LSM4: variants seen among roughly 807,000 people sequenced by gnomAD.
LSM4 encodes U6 snRNA-associated Sm-like protein LSm4.
Under a neutral mutation model 22.3 loss-of-function variants are expected in LSM4, and 15 were observed. That is an observed-to-expected ratio of 0.67 (90% CI 0.45 to 1.03). The LOEUF is 1.03. Ranked by LOEUF, LSM4 falls within the 50% of genes least tolerant of loss-of-function variation. The pLI, the probability that LSM4 is intolerant of heterozygous loss-of-function variation, is 0.00. For synonymous variants in LSM4, 90 were observed against 79.8 expected, an observed-to-expected ratio of 1.13 and a Z score of -0.68; for missense variants, 127 against 198.0, an observed-to-expected ratio of 0.64 and a Z score of 2.15.
chr19:18,317,560 G>T (rs761266093), intron 1 of LSM4, among the ~76,000 whole-genome samples: 1 of 151,908 alleles, frequency 6.6e-6, no homozygotes, highest in African/African-American at 2.4e-5. Context: ...TGTTAGCCAG[G>T]ATGGTCTCGA....
intron 2 of LSM4, among the ~76,000 whole-genome samples, chr19:18,315,220 C>A (rs1032783135): frequency 6.6e-6 from 1 of 152,020 alleles, no homozygotes; most frequent in African/African-American, 2.4e-5. Flanking sequence ...TGTCACCCAG[C>A]GACCTGCAAC....
chr19:18,320,405 G>A (rs1970413070), intron 1 of LSM4, among the ~76,000 whole-genome samples: 1 of 152,208 alleles, frequency 6.6e-6, no homozygotes, highest in Admixed American at 6.5e-5. Flanking sequence ...TACTTGGGAG[G>A]CTGAGGTCAG....
chr19:18,307,445 A>G lies in LSM4; in HGVS notation c.*19T>C, dbSNP rs772716971. 1 of 1,502,064 alleles carries G rather than the reference A, an allele frequency of 6.7e-7. No homozygotes were observed. Among genetic ancestry groups the G allele is most frequent in the South Asian group, 1.3e-5 (1 of 79,174 alleles). The allele number at this position is 1,502,064 out of a possible 1,614,324, so 93.0% of individuals were successfully genotyped here. A position where few individuals can be genotyped will look rare whatever the true frequency, so the allele number is the denominator to read the frequency against. ...CCACCCTGGCAGGAGGGGGCGCAGC[A>G]GCCGGTCTGGGTGGGCGCTCACTGT... On this transcript the variant is annotated 3_prime_UTR_variant, in exon 5 of 5. Coordinates refer to ENST00000593829, the MANE Select transcript of LSM4 (RefSeq NM_012321.5).
rs1374358974 is a variant in LSM4, at chr19:18,309,780, T to C, written c.226A>G (p.Ile76Val). 6.2e-7 allele frequency: 1 copy of C among 1,613,774 alleles called. No homozygotes were observed. The highest frequency in any genetic ancestry group is 2.2e-5 in the East Asian group (1 of 44,874). ...ACCACCTCCTCCTTGACCATGTCGA[T>C]GATCTCGTCGGGGATGCGCAGGTAC... ...IKYLRIPDEI[I>V]DMVKEEVVAK... is the part of the protein sequence containing the mutation. Residue 76 changes from isoleucine to valine, a missense_variant, in exon 4 of 5, where the codon ATC becomes GTC. Coordinates refer to ENST00000593829, the MANE Select transcript of LSM4 (RefSeq NM_012321.5).
chr19:18,317,637 G>A (rs1425761399), intron 1 of LSM4, among the ~76,000 whole-genome samples: 3 of 151,902 alleles, frequency 2.0e-5, no homozygotes, highest in Non-Finnish European at 4.4e-5. Context: ...GTGAGCCACC[G>A]CACCCGGCCC....
intron 4 of LSM4, among the ~76,000 whole-genome samples, chr19:18,308,450 G>A (rs1311581033): frequency 6.6e-6 from 1 of 152,254 alleles, no homozygotes; most frequent in Non-Finnish European, 1.5e-5. Context: ...AACGCTTGAG[G>A]AAATCAAAGC....
chr19:18,321,582 C>A (rs1970424727), intron 1 of LSM4, among the ~76,000 whole-genome samples: 2 of 152,194 alleles, frequency 1.3e-5, no homozygotes, highest in Non-Finnish European at 2.9e-5. Flanking sequence ...ACCAGTCTGC[C>A]TTTGTAGGAC....
At chr19:18,322,621 A>G (rs543477914) in intron 1 of LSM4, among the ~76,000 whole-genome samples, 1 of 151,970 alleles carries the variant, frequency 6.6e-6, no homozygotes, top group East Asian at 1.9e-4. Context: ...CTGGCCCCCT[A>G]CTTCCCAGCA....
chr19:18,308,304 C>T (rs1344523964), intron 4 of LSM4, among the ~76,000 whole-genome samples: 1 of 152,208 alleles, frequency 6.6e-6, no homozygotes, highest in Non-Finnish European at 1.5e-5. Flanking sequence ...CCACCCTCAC[C>T]ACAGGCCAGG....
Position 18,307,177 on chromosome 19 carries a change from C to T in LSM4, c.*287G>A, listed in dbSNP as rs962211370. The T allele has an allele frequency of 5.8e-6, 2 of 346,560 alleles. No homozygotes were observed. The highest frequency in any genetic ancestry group is 1.0e-5 in the Non-Finnish European group (2 of 192,850). 21.5% of individuals were successfully genotyped at this position (346,560 alleles called of 1,614,324 possible). A position where few individuals can be genotyped will look rare whatever the true frequency, so the allele number is the denominator to read the frequency against. On this transcript the variant is annotated 3_prime_UTR_variant, in exon 5 of 5. Transcript: ENST00000593829. ...CGCCTGGAAAATGCTGCCCTGAGAA[C>T]CAGAGCGAGGGCTTGAAAGATGCCT...
At position 18,306,625 on chromosome 19, in the gene LSM4, C is replaced by T. The variant is rs375118778; in HGVS notation, c.*839G>A. On this transcript the variant is annotated 3_prime_UTR_variant, in exon 5 of 5. Transcript: ENST00000593829. Reference sequence around the variant, plus strand: ...ATGCGTGGCCCCTGCCTGGGACTTCCCTCCCCACACACCCCTTGGCATTAA... The same window carrying T: ...ATGCGTGGCCCCTGCCTGGGACTTCTCTCCCCACACACCCCTTGGCATTAA... 10 of 152,422 alleles carry T rather than the reference C, an allele frequency of 6.6e-5. No individual in the cohort carries two copies. The highest frequency in any genetic ancestry group is 2.4e-4 in the African/African-American group (10 of 41,472). 9.4% of individuals were successfully genotyped at this position (152,422 alleles called of 1,614,324 possible).
chr19:18,312,724 G>GCCAACCTCTAGCCT, intron 2 of LSM4, 22 bp from the exon 3 acceptor site: 1 of 1,590,846 alleles, frequency 6.3e-7, no homozygotes, highest in Non-Finnish European at 8.6e-7. Flanking sequence ...ACAGGCTAGA[G>GCCAACCTCTAGCCT]GTTGGCTGTA....
intron 3 of LSM4, 71 bp from the exon 4 acceptor site, chr19:18,309,932 C>T: frequency 6.8e-7 from 1 of 1,467,050 alleles, no homozygotes; most frequent in Non-Finnish European, 9.3e-7. Flanking sequence ...GCGCGGGAGG[C>T]CCTGCAGATC....
chr19:18,307,659 C>G, intron 4 of LSM4, 104 bp from the exon 5 acceptor site: 1 of 764,360 alleles, frequency 1.3e-6, no homozygotes, highest in Non-Finnish European at 2.0e-6. Context: ...AGTCTCCAGC[C>G]TCAGCTTCCT....
intron 4 of LSM4, chr19:18,309,324 C>T (rs1025844844): frequency 3.5e-6 from 1 of 284,796 alleles, no homozygotes; most frequent in Non-Finnish European, 6.5e-6. Flanking sequence ...TTCATCATCT[C>T]CGGTGGGGGC....
At chr19:18,310,680 C>G (rs1466833026) in intron 3 of LSM4, among the ~76,000 whole-genome samples, 1 of 152,198 alleles carries the variant, frequency 6.6e-6, no homozygotes, top group East Asian at 1.9e-4. Context: ...ACGCACGACG[C>G]CTGGATGGCC....
chr19:18,315,817 T>C lies in LSM4; in HGVS notation c.45+207A>G, dbSNP rs142107631. 7.2e-3 allele frequency among the ~76,000 whole-genome samples: 1,098 copies of C among 152,212 alleles called. 3 individuals carry two copies. Among genetic ancestry groups the C allele is most frequent in the Middle Eastern group, 0.01 (3 of 294 alleles). On this transcript the variant is annotated intron_variant, in intron 2 of 4. Coordinates refer to ENST00000593829, the MANE Select transcript of LSM4 (RefSeq NM_012321.5). ...GATTACAGGCGCGAGCCACTGCAAC[T>C]GGCCCATTAAATTTTTAGTAAGTAT...
At chr19:18,318,127 C>A (rs1449890946) in intron 1 of LSM4, among the ~76,000 whole-genome samples, 1 of 152,212 alleles carries the variant, frequency 6.6e-6, no homozygotes. Context: ...GTGGCCCTGA[C>A]CCCAGATGCC....
chr19:18,320,508 CAA>C (rs976654656), intron 1 of LSM4, among the ~76,000 whole-genome samples: 3 of 151,528 alleles, frequency 2.0e-5, no homozygotes, highest in East Asian at 3.9e-4. Flanking sequence ...CTCTGAAAAA[CAA>C]AAAAAGTCTA....
Sources: allele counts gnomAD v4.1 joint callset (sites outside exome capture counted in the v4.1 genomes callset), GRCh38; gene constraint gnomAD v4.1.1; transcripts MANE v1.5; gene names NCBI Gene and HGNC (gene_info 2026-07-23, HGNC 2026-07-21).